Variants in RANBP2 observed in about 807,000 individuals in gnomAD.
RANBP2 encodes the protein E3 SUMO-protein ligase RanBP2.
In RANBP2, 57 loss-of-function variants were observed where a neutral mutation model predicts 303.6. That is an observed-to-expected ratio of 0.19 (90% CI 0.15 to 0.23). The LOEUF (loss-of-function observed/expected upper bound fraction) is 0.23. Ranked by LOEUF, RANBP2 falls within the 10% of genes least tolerant of loss-of-function variation. RANBP2 has a pLI of 1.00. For synonymous variants in RANBP2, 1,167 were observed against 1,301.5 expected, an observed-to-expected ratio of 0.90 and a Z score of 2.23; for missense variants, 3,138 against 3,780.8, an observed-to-expected ratio of 0.83 and a Z score of 4.46.
the RANBP2 span, among the ~76,000 whole-genome samples, chr2:108,792,523 A>G: frequency 6.6e-6 from 1 of 152,216 alleles, no homozygotes; most frequent in Admixed American, 6.5e-5. Flanking sequence ...AAGTAGACAA[A>G]ATTAAGAAAT....
In RANBP2 at chr2:108,736,172, A is replaced by G. The variant is rs1364463094; in HGVS notation, c.705A>G (p.Leu235=). The change falls in exon 6 of 29, where the codon TTA becomes TTG. Residue 235 remains leucine (L), a synonymous_variant. Transcript: ENST00000283195. ...KSDWRATNTD[L]LLAYANLMLL... Reference sequence around the variant, plus strand: ...ACTGGCGAGCAACCAATACAGACTTACTGCTGGCCTATGCTAATCTTATGC... The same window carrying G: ...ACTGGCGAGCAACCAATACAGACTTGCTGCTGGCCTATGCTAATCTTATGC... 4.3e-6 allele frequency: 7 copies of G among 1,611,968 alleles called. No individual in the cohort carries two copies. Among genetic ancestry groups the G allele is most frequent in the African/African-American group, 1.3e-5 (1 of 74,976 alleles).
At chr2:109,419,709 G>C in the RANBP2 span, 1 of 1,452,644 alleles carries the variant, frequency 6.9e-7, no homozygotes, top group African/African-American at 1.4e-5. Context: ...GGGCTGACCT[G>C]TCCACGTGTG....
chr2:109,669,359 A>C, the RANBP2 span, among the ~76,000 whole-genome samples: 9 of 152,210 alleles, frequency 5.9e-5, no homozygotes, highest in African/African-American at 2.2e-4. Context: ...CTTTCAGCAC[A>C]GCAAAAGAAA....
the RANBP2 span, chr2:109,545,885 G>A: frequency 7.6e-6 from 11 of 1,447,702 alleles, no homozygotes; most frequent in South Asian, 6.0e-5. Flanking sequence ...TGGGGAAACA[G>A]CAGTGAACAA....
the RANBP2 span, among the ~76,000 whole-genome samples, chr2:109,252,061 A>G: frequency 6.7e-6 from 1 of 148,840 alleles, no homozygotes; most frequent in Non-Finnish European, 1.5e-5. Context: ...AGCCTGGGCA[A>G]CATATAGAGA....
At chr2:109,469,951 C>A in the RANBP2 span, among the ~76,000 whole-genome samples, 2 of 152,136 alleles carry the variant, frequency 1.3e-5, no homozygotes, top group South Asian at 4.2e-4. Flanking sequence ...CCAGGACATG[C>A]GAGCTATAAG....
At chr2:109,332,862 G>C in the RANBP2 span, among the ~76,000 whole-genome samples, 2 of 152,224 alleles carry the variant, frequency 1.3e-5, no homozygotes, top group Non-Finnish European at 2.9e-5. Context: ...AAGTGTTGAA[G>C]TGTTTCTTGC....
the RANBP2 span, among the ~76,000 whole-genome samples, chr2:109,557,146 T>G: frequency 6.6e-6 from 1 of 152,028 alleles, no homozygotes; most frequent in Non-Finnish European, 1.5e-5. Context: ...GTTGTGCACA[T>G]GTACCCTAGA....
At chr2:109,154,496 G>C in the RANBP2 span, among the ~76,000 whole-genome samples, 1 of 152,206 alleles carries the variant, frequency 6.6e-6, no homozygotes, top group African/African-American at 2.4e-5. Flanking sequence ...AGGCCTCGAG[G>C]CTTCCTCAGC....
chr2:109,641,365 G>A, the RANBP2 span, among the ~76,000 whole-genome samples: 78 of 152,228 alleles, frequency 5.1e-4, no homozygotes, highest in African/African-American at 1.8e-3. Context: ...ATGGATGAAC[G>A]GATAAGCAAA....
the RANBP2 span, chr2:109,419,467 C>T: frequency 6.8e-7 from 1 of 1,466,104 alleles, no homozygotes; most frequent in South Asian, 1.2e-5. Context: ...GATGCAGCCT[C>T]ATTTTGCTTT....
the RANBP2 span, among the ~76,000 whole-genome samples, chr2:109,188,845 T>C: frequency 6.6e-6 from 1 of 152,178 alleles, no homozygotes; most frequent in African/African-American, 2.4e-5. Context: ...TGCTTCTCTC[T>C]GTGCAGTTGC....
chr2:109,365,735 G>GT, the RANBP2 span, among the ~76,000 whole-genome samples: 2 of 152,032 alleles, frequency 1.3e-5, no homozygotes, highest in African/African-American at 4.8e-5. Context: ...ATGTTATTTA[G>GT]TTTTTTTGCC....
chr2:109,719,097 C>T, the RANBP2 span, among the ~76,000 whole-genome samples: 1 of 120,996 alleles, frequency 8.3e-6, no homozygotes, highest in African/African-American at 3.0e-5. Context: ...TGAATTATAT[C>T]TTTTTTTTTT....
At chr2:108,923,218 C>T in the RANBP2 span, 32 of 780,168 alleles carry the variant, frequency 4.1e-5, 1 homozygote, top group Admixed American at 6.1e-4. Context: ...CATAGACCTG[C>T]CTGGACAGGC....
chr2:108,936,500 G>C, the RANBP2 span, among the ~76,000 whole-genome samples: 7 of 152,162 alleles, frequency 4.6e-5, no homozygotes, highest in East Asian at 1.4e-3. Context: ...CCCACCCAGC[G>C]CTACTCTCCT....
the RANBP2 span, among the ~76,000 whole-genome samples, chr2:109,610,971 C>A: frequency 4.5e-4 from 68 of 152,286 alleles, no homozygotes; most frequent in African/African-American, 1.6e-3. Context: ...CAGACTTACA[C>A]AGCTACAGGA....
At chr2:109,681,382 A>G in the RANBP2 span, among the ~76,000 whole-genome samples, 2 of 152,238 alleles carry the variant, frequency 1.3e-5, no homozygotes, top group East Asian at 3.8e-4. Flanking sequence ...CACGTATTCA[A>G]GCACTTTGCT....
the RANBP2 span, among the ~76,000 whole-genome samples, chr2:108,834,255 C>T: frequency 6.8e-6 from 1 of 147,502 alleles, no homozygotes; most frequent in Non-Finnish European, 1.5e-5. Context: ...CTCTGTCACA[C>T]GAGCTGGAGT....
Sources: gnomAD v4.1 joint callset for allele counts (sites outside exome capture counted in the v4.1 genomes callset) on GRCh38, gnomAD v4.1.1 for gene constraint, MANE v1.5 for transcripts, NCBI Gene and HGNC (gene_info 2026-07-23, HGNC 2026-07-21) for gene names.